The following PRKN variants were observed in gnomAD, a reference collection of about 807,000 sequenced individuals.
PRKN encodes the protein parkin RBR E3 ubiquitin protein ligase.
PRKN carries 56 observed loss-of-function variants against 59.5 expected under a neutral mutation model. That is an observed-to-expected ratio of 0.94 (90% CI 0.76 to 1.18). The LOEUF is 1.18. PRKN is among the 50% of genes most tolerant of loss of function. PRKN has a pLI of 0.00. For synonymous variants in PRKN, 250 were observed against 222.1 expected (o/e 1.13, Z -1.12); for missense variants, 657 against 596.4 (o/e 1.10, Z -1.06).
intron 2 of PRKN, among the ~76,000 whole-genome samples, chr6:162,284,041 A>G (rs562926737): frequency 6.6e-6 from 1 of 152,262 alleles, no homozygotes; most frequent in Admixed American, 6.5e-5. Context: ...AATCAGTAAA[A>G]TAAACAAATC....
At chr6:162,197,767 A>G (rs905279905) in intron 4 of PRKN, among the ~76,000 whole-genome samples, 20 of 152,208 alleles carry the variant, frequency 1.3e-4, no homozygotes, top group African/African-American at 4.8e-4. Flanking sequence ...CATAATTGCT[A>G]TGCTTCATTT....
chr6:161,679,999 C>G (rs1222509501), intron 7 of PRKN, among the ~76,000 whole-genome samples: 1 of 151,938 alleles, frequency 6.6e-6, no homozygotes, highest in African/African-American at 2.4e-5. Context: ...CATGATCTGC[C>G]CGCCTCAGCG....
intron 2 of PRKN, among the ~76,000 whole-genome samples, chr6:162,324,481 A>G (rs1469922333): frequency 6.6e-6 from 1 of 152,128 alleles, no homozygotes; most frequent in East Asian, 1.9e-4. Flanking sequence ...AATTAACCCA[A>G]AATTATTTGT....
chr6:161,369,204 G>C lies in PRKN; in HGVS notation c.1168-8999C>G, dbSNP rs745787177. ...GCTGATGTTTAAATCCTTCTGGAGT[G>C]ATCTCAAGCAGTGGCTGGGTGCCCA... On this transcript the variant is annotated intron_variant, in intron 10 of 11. Coordinates refer to ENST00000366898, the MANE Select transcript of PRKN (RefSeq NM_004562.3). The surrounding 1 kb of genome is among the most constrained non-coding windows in gnomAD (Gnocchi z 5.8). 1.3e-5 allele frequency among the ~76,000 whole-genome samples: 2 copies of C among 152,202 alleles called. No individual in the cohort carries two copies. The highest frequency in any genetic ancestry group is 2.9e-5 in the Non-Finnish European group (2 of 68,032).
At chr6:161,478,458 C>T (rs934015990) in intron 9 of PRKN, among the ~76,000 whole-genome samples, 38 of 152,192 alleles carry the variant, frequency 2.5e-4, no homozygotes, top group African/African-American at 9.2e-4. Context: ...AGTATAGTTA[C>T]ACATGTGATA....
Position 162,557,789 on chromosome 6 carries a change from C to T in PRKN, c.8-114316G>A, listed in dbSNP as rs556622134. 6.6e-5 allele frequency among the ~76,000 whole-genome samples: 10 copies of T among 152,274 alleles called. No homozygotes were observed. The South Asian group carries it at 1.2e-3, about 19-fold the overall frequency. ...CCTCCCAGAGTGCTGGGATTACAGGCGTGAGCCACTATGCTCGGCGGATGG... is the reference window on the plus strand; with the variant it reads ...CCTCCCAGAGTGCTGGGATTACAGGTGTGAGCCACTATGCTCGGCGGATGG... On this transcript the variant is annotated intron_variant, in intron 1 of 11. Transcript: ENST00000366898.
chr6:161,885,457 G>A (rs1189941071), intron 6 of PRKN, among the ~76,000 whole-genome samples: 2 of 152,094 alleles, frequency 1.3e-5, no homozygotes, highest in African/African-American at 2.4e-5. Context: ...GAGGTCAGGA[G>A]ATAGAGACCA....
chr6:162,007,264 A>T (rs190291478), intron 5 of PRKN, among the ~76,000 whole-genome samples: 111 of 152,290 alleles, frequency 7.3e-4, no homozygotes, highest in African/African-American at 2.5e-3. Context: ...AAGATGTCTC[A>T]TAGAAATTTG....
At position 161,444,425 on chromosome 6, in the gene PRKN, A is replaced by G. The variant is rs889118077; in HGVS notation, c.1084-57548T>C. Among the ~76,000 whole-genome samples the G allele has an allele frequency of 2.2e-4, 33 of 152,226 alleles. No individual in the cohort carries two copies. Among genetic ancestry groups the G allele is most frequent in the African/African-American group, 8.0e-4 (33 of 41,464 alleles). On this transcript the variant is annotated intron_variant, in intron 9 of 11. Transcript: ENST00000366898. This position sits in a 1 kb window ranked among gnomAD's most constrained non-coding sequence, Gnocchi z 5.6. The stretch of plus-strand genomic sequence containing the variant: ...ATGTCTGTGTGAAGTCCTCAAGGTC[A>G]TTAGATCTCATGAATTTACTCCGGC...
intron 2 of PRKN, among the ~76,000 whole-genome samples, chr6:162,301,171 T>G (rs1420276827): frequency 6.6e-6 from 1 of 152,158 alleles, no homozygotes; most frequent in African/African-American, 2.4e-5. Flanking sequence ...CAGGAAGATA[T>G]GCACTATGAT....
At position 161,347,920 on chromosome 6, in the gene PRKN, C is replaced by G. The variant is rs774851231; in HGVS notation, c.*2179G>C. On this transcript the variant is annotated 3_prime_UTR_variant, in exon 12 of 12. Coordinates refer to ENST00000366898, the MANE Select transcript of PRKN (RefSeq NM_004562.3). ...CATGAGCCACCGCGCCCGGCCTGCTCTAACTTATTTTAAGAATCACTGTTC... is the reference window on the plus strand; with the variant it reads ...CATGAGCCACCGCGCCCGGCCTGCTGTAACTTATTTTAAGAATCACTGTTC... 2.4e-5 allele frequency: 4 copies of G among 165,198 alleles called. No individual in the cohort carries two copies. The highest frequency in any genetic ancestry group is 5.3e-5 in the Non-Finnish European group (4 of 75,726). 10.2% of individuals were successfully genotyped at this position (165,198 alleles called of 1,614,324 possible).
chr6:161,783,431 G>A (rs913770748), intron 7 of PRKN, among the ~76,000 whole-genome samples: 4 of 152,094 alleles, frequency 2.6e-5, no homozygotes, highest in African/African-American at 9.7e-5. Flanking sequence ...CAGGTCATTC[G>A]GCGAGAATTA....
intron 2 of PRKN, among the ~76,000 whole-genome samples, chr6:162,296,520 T>C (rs1374217060): frequency 6.6e-6 from 1 of 152,062 alleles, no homozygotes; most frequent in African/African-American, 2.4e-5. Context: ...GGACCCTAAG[T>C]AAACATTTAC....
chr6:162,451,764 A>G (rs1221316332), intron 1 of PRKN, among the ~76,000 whole-genome samples: 2 of 152,124 alleles, frequency 1.3e-5, no homozygotes, highest in Non-Finnish European at 2.9e-5. Context: ...ATGATCTAAT[A>G]TATATGTTGT....
At chr6:161,383,582 C>T (rs1786091130) in intron 10 of PRKN, among the ~76,000 whole-genome samples, 1 of 152,156 alleles carries the variant, frequency 6.6e-6, no homozygotes, top group African/African-American at 2.4e-5. Context: ...TTCCAGGCAA[C>T]GCTGGATGCT....
At chr6:162,564,330 C>T (rs999144212) in intron 1 of PRKN, among the ~76,000 whole-genome samples, 15 of 150,904 alleles carry the variant, frequency 9.9e-5, no homozygotes, top group South Asian at 6.3e-4. Context: ...GGCAATAGAG[C>T]AAGACTCCAT....
chr6:162,331,102 G>A (rs1423753018), intron 2 of PRKN, among the ~76,000 whole-genome samples: 2 of 152,000 alleles, frequency 1.3e-5, no homozygotes, highest in African/African-American at 4.8e-5. Context: ...GCCAAGGCAG[G>A]CCGATCACTT....
rs2114943381 is a variant in PRKN, at chr6:161,386,794, C to T, written c.1167G>A (p.Gln389=). Residue 389 remains glutamine (Q), a splice_region_variant and synonymous_variant, in exon 10 of 12, where the codon CAG becomes CAA. Transcript: ENST00000366898. This position sits in a 1 kb window ranked among gnomAD's most constrained non-coding sequence, Gnocchi z 4.3. ...AVFEASGTTT[Q]AYRVDERAAE... ...GAGGAATGAGTAGGGCATTCTGTAC[C>T]TGAGTAGTTGTTCCTGAGGCTTCAA... 6.2e-7 allele frequency: 1 copy of T among 1,609,306 alleles called. No individual in the cohort carries two copies. Among genetic ancestry groups the T allele is most frequent in the Non-Finnish European group, 8.5e-7 (1 of 1,175,666 alleles).
chr6:161,741,848 T>C (rs1788200656), intron 7 of PRKN, among the ~76,000 whole-genome samples: 1 of 152,186 alleles, frequency 6.6e-6, no homozygotes, highest in South Asian at 2.1e-4. Context: ...CCCCACATGT[T>C]AAGGGCGGGC....
Sources: allele counts gnomAD v4.1 joint callset (sites outside exome capture counted in the v4.1 genomes callset), GRCh38; gene constraint gnomAD v4.1.1; non-coding constraint Gnocchi (gnomAD v3.1); transcripts MANE v1.5; gene names NCBI Gene and HGNC (gene_info 2026-07-23, HGNC 2026-07-21).